Variants in INVS observed in about 807,000 individuals in gnomAD.
INVS encodes the protein inversin, also known as inversion of embryo turning homolog.
INVS carries 86 observed loss-of-function variants against 108.8 expected under a neutral mutation model. The ratio of observed to expected loss-of-function variants is 0.79; its 90% CI spans 0.66 to 0.95. The LOEUF is 0.95. INVS is among the 40% of genes least tolerant of loss of function. INVS has a pLI of 0.00. For missense variants in INVS, 1,169 were observed against 1,297.4 expected (o/e 0.90, Z 1.52); for synonymous variants, 455 against 473.5 (o/e 0.96, Z 0.51).
intron 3 of INVS, among the ~76,000 whole-genome samples, chr9:100,160,629 C>T (rs978509499): frequency 1.3e-5 from 2 of 152,144 alleles, no homozygotes; most frequent in Non-Finnish European, 2.9e-5. Context: ...AGTTATCTCC[C>T]TCCATAATTT....
At chr9:100,259,072 G>A (rs1056165123) in intron 10 of INVS, among the ~76,000 whole-genome samples, 7 of 152,156 alleles carry the variant, frequency 4.6e-5, no homozygotes, top group Non-Finnish European at 5.9e-5. Flanking sequence ...CACCCAGTTC[G>A]AGCTTCCTGG....
chr9:100,231,037 T>C (rs1244885143), intron 5 of INVS, among the ~76,000 whole-genome samples: 1 of 152,194 alleles, frequency 6.6e-6, no homozygotes, highest in Non-Finnish European at 1.5e-5. Context: ...AGGAATGCAG[T>C]TGATATTTTT....
chr9:100,244,106 TA>T (rs748343495), intron 7 of INVS, among the ~76,000 whole-genome samples: 9 of 152,170 alleles, frequency 5.9e-5, no homozygotes, highest in African/African-American at 2.2e-4. Context: ...CTCAGATCTC[TA>T]AAATATCTTA....
intron 3 of INVS, among the ~76,000 whole-genome samples, chr9:100,166,754 A>G (rs1829376284): frequency 1.3e-5 from 2 of 152,008 alleles, no homozygotes; most frequent in Admixed American, 1.3e-4. Context: ...TCCCTTTACC[A>G]CCACTTTGGT....
chr9:100,110,496 TAAG>T (rs1158954881), intron 2 of INVS, among the ~76,000 whole-genome samples: 1 of 152,140 alleles, frequency 6.6e-6, no homozygotes, highest in Non-Finnish European at 1.5e-5. Flanking sequence ...ATGAGAAAGA[TAAG>T]AAAGAAAGAA....
At chr9:100,157,422 G>A (rs1409678278) in intron 3 of INVS, among the ~76,000 whole-genome samples, 2 of 151,618 alleles carry the variant, frequency 1.3e-5, no homozygotes, top group East Asian at 1.9e-4. Context: ...CTGCCACCAC[G>A]CCTGGCTAAT....
chr9:100,148,757 C>T (rs1828710720), intron 3 of INVS, among the ~76,000 whole-genome samples: 1 of 152,164 alleles, frequency 6.6e-6, no homozygotes, highest in South Asian at 2.1e-4. Flanking sequence ...CACATCCATT[C>T]TTTATATATT....
At chr9:100,237,630 TTCCCAGGTGAGGCGATGCCCTA>T (rs1831731820) in intron 5 of INVS, among the ~76,000 whole-genome samples, 1 of 152,156 alleles carries the variant, frequency 6.6e-6, no homozygotes. Flanking sequence ...TCCTTTGTGT[TTCCCAGGTGAGGCGATGCCCTA>T]CCCTGCTTCT....
At chr9:100,284,099 G>C (rs1004476183) in intron 12 of INVS, among the ~76,000 whole-genome samples, 4 of 152,150 alleles carry the variant, frequency 2.6e-5, no homozygotes, top group African/African-American at 9.7e-5. Context: ...CACAAAGACT[G>C]ATCTATAAAC....
intron 13 of INVS, among the ~76,000 whole-genome samples, chr9:100,290,435 T>G (rs1386987307): frequency 6.6e-6 from 1 of 151,890 alleles, no homozygotes; most frequent in Non-Finnish European, 1.5e-5. Context: ...CCGCAACCTC[T>G]GCCTCCCAGG....
chr9:100,117,372 T>C (rs1827567405), intron 2 of INVS: 3 of 758,418 alleles, frequency 4.0e-6, no homozygotes, highest in South Asian at 2.7e-5. Flanking sequence ...GATTCATTAA[T>C]GGGCAGGGAG....
At chr9:100,189,618 T>G (rs1263167819) in intron 3 of INVS, among the ~76,000 whole-genome samples, 1 of 152,190 alleles carries the variant, frequency 6.6e-6, no homozygotes, top group East Asian at 1.9e-4. Context: ...TTATTGATAC[T>G]TGATTATCTT....
In INVS at chr9:100,252,321, G is replaced by T; in HGVS notation, c.1117G>T (p.Val373Leu). Residue 373 changes from valine (V) to leucine (L), a missense_variant, in exon 9 of 17, where the codon GTG becomes TTG. Physicochemically the swap from Val to Leu is conservative, Grantham distance 32 (BLOSUM62 1). Coordinates refer to ENST00000262457, the MANE Select transcript of INVS (RefSeq NM_014425.5). ...AAALSGHVST[V>L]KLLLENNAQV... ...TGCTCTTTCTGGCCATGTCAGCACC[G>T]TGAAGTTATTACTGGAAAATAATGC... is the stretch of plus-strand genomic sequence containing the variant. 1 of 1,613,988 alleles carries T rather than the reference G, an allele frequency of 6.2e-7. No homozygotes were observed. Among genetic ancestry groups the T allele is most frequent in the Non-Finnish European group, 8.5e-7 (1 of 1,179,930 alleles).
chr9:100,265,146 T>C, intron 11 of INVS, among the ~76,000 whole-genome samples: 1 of 152,034 alleles, frequency 6.6e-6, no homozygotes, highest in East Asian at 1.9e-4. Context: ...GGTTTCACCA[T>C]GTTAGCTAGG....
At chr9:100,125,147 G>T (rs913207170) in intron 2 of INVS, among the ~76,000 whole-genome samples, 2 of 152,236 alleles carry the variant, frequency 1.3e-5, no homozygotes, top group Admixed American at 6.5e-5. Flanking sequence ...CTCCAACTTT[G>T]TCCTCTCCAT....
intron 11 of INVS, among the ~76,000 whole-genome samples, chr9:100,271,962 G>A (rs1031008199): frequency 6.6e-6 from 1 of 151,700 alleles, no homozygotes; most frequent in Non-Finnish European, 1.5e-5. Flanking sequence ...TCCACCTCCT[G>A]GGTTCAAGCA....
chr9:100,298,812 C>T (rs759176164), intron 16 of INVS, among the ~76,000 whole-genome samples: 10 of 152,050 alleles, frequency 6.6e-5, no homozygotes, highest in Non-Finnish European at 1.3e-4. Flanking sequence ...ACAGGCTGAT[C>T]AGGGAGTGGT....
chr9:100,266,706 C>A (rs1347873926), intron 11 of INVS, among the ~76,000 whole-genome samples: 2 of 152,172 alleles, frequency 1.3e-5, no homozygotes, highest in Non-Finnish European at 2.9e-5. Flanking sequence ...CAGCTTTCAG[C>A]CTCATTTTAC....
At chr9:100,168,743 G>C (rs1393034748) in intron 3 of INVS, among the ~76,000 whole-genome samples, 1 of 152,130 alleles carries the variant, frequency 6.6e-6, no homozygotes, top group Non-Finnish European at 1.5e-5. Flanking sequence ...TTTATACAAA[G>C]GAATAGCTCC....
Sources: allele counts gnomAD v4.1 joint callset (sites outside exome capture counted in the v4.1 genomes callset), GRCh38; gene constraint gnomAD v4.1.1; transcripts MANE v1.5; gene names NCBI Gene and HGNC (gene_info 2026-07-23, HGNC 2026-07-21).